The following TASP1 variants were observed in gnomAD, a reference collection of about 807,000 sequenced individuals.
TASP1 encodes the protein threonine aspartase 1.
Under a neutral mutation model 56.6 loss-of-function variants are expected in TASP1, and 16 were observed. That is an observed-to-expected ratio of 0.28 (90% CI 0.19 to 0.43). The LOEUF (loss-of-function observed/expected upper bound fraction) is 0.43, where lower values mean the gene tolerates loss of function less well. TASP1 is among the 20% of genes least tolerant of loss of function. The pLI is 1.00. For missense variants in TASP1, 393 were observed against 511.6 expected (o/e 0.77, Z 2.24); for synonymous variants, 179 against 184.2 (o/e 0.97, Z 0.23).
intron 11 of TASP1, among the ~76,000 whole-genome samples, chr20:13,454,455 C>T (rs909351676): frequency 6.6e-6 from 1 of 152,058 alleles, no homozygotes; most frequent in African/African-American, 2.4e-5. Flanking sequence ...CAAACCCTCA[C>T]CACAGTACTT....
At chr20:13,341,046 C>A in the TASP1 span, among the ~76,000 whole-genome samples, 1 of 152,098 alleles carries the variant, frequency 6.6e-6, no homozygotes, top group Non-Finnish European at 1.5e-5. Flanking sequence ...ATCTGCAGAC[C>A]TACAGCTTGG....
chr20:13,546,189 TAA>T (rs35738872), intron 8 of TASP1, among the ~76,000 whole-genome samples: 1 of 148,334 alleles, frequency 6.7e-6, no homozygotes. Flanking sequence ...GGCCAAAGGT[TAA>T]AAAAAAAAGG....
chr20:13,393,060 C>G (rs2123579148), intron 13 of TASP1: 1 of 595,220 alleles, frequency 1.7e-6, no homozygotes, highest in East Asian at 3.6e-5. Flanking sequence ...CTGAGGCCCC[C>G]ATGTTTATAT....
At chr20:13,388,094 G>T (rs6079035), downstream of TASP1, among the ~76,000 whole-genome samples, 79,732 of 152,008 alleles carry the variant, frequency 0.52, 22,871 homozygotes, top group Non-Finnish European at 0.65. Flanking sequence ...ACCTTACAAA[G>T]AAATCAAATA....
At chr20:13,601,483 G>A (rs1305200118) in intron 4 of TASP1, among the ~76,000 whole-genome samples, 1 of 152,068 alleles carries the variant, frequency 6.6e-6, no homozygotes, top group Non-Finnish European at 1.5e-5. Flanking sequence ...AGGATAAAAT[G>A]TAAATATCCA....
chr20:13,459,701 T>C (rs2043981128), intron 11 of TASP1, among the ~76,000 whole-genome samples: 1 of 152,100 alleles, frequency 6.6e-6, no homozygotes, highest in Admixed American at 6.6e-5. Flanking sequence ...TGTCTTTCCC[T>C]GGGAGAGACA....
At chr20:13,177,260 A>G in the TASP1 span, among the ~76,000 whole-genome samples, 1 of 152,020 alleles carries the variant, frequency 6.6e-6, no homozygotes, top group Non-Finnish European at 1.5e-5. Flanking sequence ...AAAAAAAGGA[A>G]AGAAATTGAA....
At chr20:13,444,828 G>A (rs1447208127) in intron 11 of TASP1, among the ~76,000 whole-genome samples, 1 of 152,182 alleles carries the variant, frequency 6.6e-6, no homozygotes, top group East Asian at 1.9e-4. Flanking sequence ...CAAGGAAGAA[G>A]TGGGAGCTGG....
At chr20:13,392,583 C>G (rs1369551856) in intron 13 of TASP1, 1 of 347,766 alleles carries the variant, frequency 2.9e-6, no homozygotes, top group Non-Finnish European at 5.6e-6. Flanking sequence ...CATTCTAGGG[C>G]TATGTTTATG....
the TASP1 span, among the ~76,000 whole-genome samples, chr20:13,268,944 T>C: frequency 6.5e-4 from 99 of 152,084 alleles, 3 homozygotes; most frequent in South Asian, 0.011. Flanking sequence ...AAAGTAAAAA[T>C]AATAATCCCT....
chr20:13,485,596 G>A, intron 10 of TASP1, among the ~76,000 whole-genome samples: 1 of 152,118 alleles, frequency 6.6e-6, no homozygotes, highest in East Asian at 1.9e-4. Flanking sequence ...ACACTTCAAG[G>A]AAGATCTAGA....
chr20:13,605,969 C>G (rs2048133115), intron 4 of TASP1, among the ~76,000 whole-genome samples: 1 of 152,120 alleles, frequency 6.6e-6, no homozygotes, highest in South Asian at 2.1e-4. Flanking sequence ...GCATTCTTCT[C>G]TCTTACCACA....
intron 10 of TASP1, among the ~76,000 whole-genome samples, chr20:13,493,943 G>T (rs1422335240): frequency 6.6e-6 from 1 of 151,756 alleles, no homozygotes; most frequent in Non-Finnish European, 1.5e-5. Flanking sequence ...AGGGAAGGAG[G>T]AAAAAAAATC....
the TASP1 span, among the ~76,000 whole-genome samples, chr20:13,143,950 T>A: frequency 6.6e-6 from 1 of 152,190 alleles, no homozygotes; most frequent in Non-Finnish European, 1.5e-5. Flanking sequence ...TTTTCCCTCA[T>A]CCTGATCCAT....
the TASP1 span, among the ~76,000 whole-genome samples, chr20:13,191,315 A>G: frequency 2.0e-5 from 3 of 152,228 alleles, no homozygotes; most frequent in Non-Finnish European, 4.4e-5. Context: ...CACTATTCAC[A>G]ATAGCAAAAC....
At chr20:13,443,064 T>C (rs1017069892) in intron 11 of TASP1, among the ~76,000 whole-genome samples, 1 of 152,178 alleles carries the variant, frequency 6.6e-6, no homozygotes, top group African/African-American at 2.4e-5. Flanking sequence ...TAAGATGCTA[T>C]TTAAACATTT....
At chr20:13,357,125 A>T in the TASP1 span, among the ~76,000 whole-genome samples, 1 of 152,198 alleles carries the variant, frequency 6.6e-6, no homozygotes, top group East Asian at 1.9e-4. Context: ...AAATCATATA[A>T]ATATAGATGA....
At chr20:13,111,567 T>C in the TASP1 span, among the ~76,000 whole-genome samples, 11 of 152,188 alleles carry the variant, frequency 7.2e-5, no homozygotes, top group African/African-American at 2.7e-4. Flanking sequence ...GGCCTTAACT[T>C]GCAATTTTAA....
the TASP1 span, among the ~76,000 whole-genome samples, chr20:13,187,916 C>G: frequency 1.3e-5 from 2 of 151,814 alleles, no homozygotes; most frequent in African/African-American, 2.4e-5. Context: ...TATACGTTGC[C>G]AGTGTGAGAT....
Sources: allele counts gnomAD v4.1 joint callset (sites outside exome capture counted in the v4.1 genomes callset), GRCh38; gene constraint gnomAD v4.1.1; transcripts MANE v1.5; gene names NCBI Gene and HGNC (gene_info 2026-07-23, HGNC 2026-07-21).